The following STYX variants were observed in gnomAD, a reference collection of about 807,000 sequenced individuals.
The protein encoded by STYX is serine/threonine/tyrosine-interacting protein.
A neutral mutation model predicts 42.7 loss-of-function variants in STYX; 20 were observed. The ratio of observed to expected loss-of-function variants is 0.47; its 90% CI spans 0.33 to 0.68. STYX has a LOEUF of 0.68. Ranked by LOEUF, STYX falls within the 30% of genes least tolerant of loss-of-function variation. The probability of loss-of-function intolerance (pLI) is 0.02; values close to 1 mark genes in which losing one functional copy is unlikely to be tolerated. For synonymous variants in STYX, 78 were observed against 81.9 expected (o/e 0.95, Z 0.26); for missense variants, 226 against 268.5 (o/e 0.84, Z 1.11).
At position 52,756,569 on chromosome 14, in the gene STYX, T is replaced by C; in HGVS notation, c.261T>C (p.Ile87=). The C allele has an allele frequency of 6.5e-7, 1 of 1,532,892 alleles. No homozygotes were observed. Among genetic ancestry groups the C allele is most frequent in the Non-Finnish European group, 8.9e-7 (1 of 1,127,402 alleles). 95.0% of individuals were successfully genotyped at this position (1,532,892 alleles called of 1,614,324 possible). A position where few individuals can be genotyped will look rare whatever the true frequency, so the allele number is the denominator to read the frequency against. Residue 87 remains isoleucine (I), a synonymous_variant, in exon 5 of 11, where the codon ATT becomes ATC. Coordinates refer to ENST00000354586, the MANE Select transcript of STYX (RefSeq NM_145251.4). ...QQLFRYLVLD[I]ADNPVENIIR... Reference sequence around the variant, plus strand: ...TTTTCAGATATTTAGTCCTGGATATTGCAGATAATCCAGTTGAAAATATAA... The same window carrying C: ...TTTTCAGATATTTAGTCCTGGATATCGCAGATAATCCAGTTGAAAATATAA...
At chr14:52,751,196 T>G in intron 4 of STYX, among the ~76,000 whole-genome samples, 1 of 152,136 alleles carries the variant, frequency 6.6e-6, no homozygotes, top group Non-Finnish European at 1.5e-5. Context: ...AGATAAATTT[T>G]TTTTTACATT....
At position 52,741,638 on chromosome 14, in the gene STYX, C is replaced by G. The variant is rs1594866916; in HGVS notation, c.58-3214C>G. ...ATTTTTAGTAGAGACAGGGTTTCAC[C>G]ATGTTGCCCAAGCTGGTAAACTTCT... On this transcript the variant is annotated intron_variant, in intron 1 of 10. Coordinates refer to ENST00000354586, the MANE Select transcript of STYX (RefSeq NM_145251.4). Among the ~76,000 whole-genome samples, 4 of 152,188 alleles carry G rather than the reference C, an allele frequency of 2.6e-5. No homozygotes were observed. The South Asian group carries it at 8.3e-4, about 32-fold the overall frequency.
At chr14:52,753,341 G>T (rs1360766743) in intron 4 of STYX, among the ~76,000 whole-genome samples, 2 of 151,210 alleles carry the variant, frequency 1.3e-5, no homozygotes, top group African/African-American at 2.4e-5. Flanking sequence ...GTGAGCCACC[G>T]CACCTGGCCT....
chr14:52,764,666 C>CT (rs58502916), intron 9 of STYX, among the ~76,000 whole-genome samples: 10,821 of 98,936 alleles, frequency 0.11, 1,067 homozygotes, highest in Non-Finnish European at 0.13. Context: ...TTTACTTTTC[C>CT]TTTTTTTTTT....
chr14:52,763,101 C>A (rs1309101825), intron 9 of STYX, among the ~76,000 whole-genome samples: 1 of 151,838 alleles, frequency 6.6e-6, no homozygotes, highest in African/African-American at 2.4e-5. Flanking sequence ...CCACATTGGC[C>A]AGGCTGGTCT....
chr14:52,736,069 T>C (rs1372459622), intron 1 of STYX, among the ~76,000 whole-genome samples: 1 of 152,206 alleles, frequency 6.6e-6, no homozygotes, highest in Non-Finnish European at 1.5e-5. Flanking sequence ...GCCCTAGCCA[T>C]ATTTATCTTC....
intron 1 of STYX, among the ~76,000 whole-genome samples, chr14:52,742,509 TCAAAAGA>T (rs1378298891): frequency 6.6e-6 from 1 of 152,128 alleles, no homozygotes; most frequent in Non-Finnish European, 1.5e-5. Context: ...CTACCCTGTG[TCAAAAGA>T]CAAAATTACA....
chr14:52,753,984 A>G (rs1050526029), intron 4 of STYX, among the ~76,000 whole-genome samples: 2 of 135,446 alleles, frequency 1.5e-5, no homozygotes, highest in African/African-American at 5.4e-5. Flanking sequence ...CTGCCTCCCA[A>G]GTTCAGGCAA....
At chr14:52,765,563 C>T (rs527947635) in intron 9 of STYX, among the ~76,000 whole-genome samples, 1 of 152,156 alleles carries the variant, frequency 6.6e-6, no homozygotes, top group East Asian at 1.9e-4. Flanking sequence ...TTTTAAGATT[C>T]CCCCCTTAGG....
intron 3 of STYX, among the ~76,000 whole-genome samples, chr14:52,749,884 CTG>C (rs911392996): frequency 2.2e-4 from 33 of 152,260 alleles, no homozygotes; most frequent in African/African-American, 6.7e-4. Context: ...TAATGGGTCA[CTG>C]TCAAAATTTT....
intron 9 of STYX, among the ~76,000 whole-genome samples, chr14:52,767,180 G>A (rs1882335290): frequency 6.6e-6 from 1 of 152,200 alleles, no homozygotes; most frequent in Non-Finnish European, 1.5e-5. Context: ...TTGGGGAAAA[G>A]CATTTGAGGT....
At chr14:52,760,168 C>G (rs1280350273) in intron 9 of STYX, among the ~76,000 whole-genome samples, 7 of 152,264 alleles carry the variant, frequency 4.6e-5, no homozygotes, top group African/African-American at 1.7e-4. Context: ...TGCCTTTGCA[C>G]TCCAGCCTGG....
At chr14:52,766,027 C>T (rs1333362142) in intron 9 of STYX, among the ~76,000 whole-genome samples, 2 of 152,028 alleles carry the variant, frequency 1.3e-5, no homozygotes, top group African/African-American at 2.4e-5. Context: ...GAGGGGGTCT[C>T]GCACTGTCAC....
At chr14:52,763,831 T>C (rs1395178910) in intron 9 of STYX, among the ~76,000 whole-genome samples, 2 of 152,236 alleles carry the variant, frequency 1.3e-5, no homozygotes. Context: ...TGATCTGTCT[T>C]GGGCTGAAAT....
At chr14:52,770,989 AATTT>A (rs1437462204) in intron 10 of STYX, 40 bp from the exon 11 acceptor site, 19 of 1,584,720 alleles carry the variant, frequency 1.2e-5, no homozygotes, top group Non-Finnish European at 1.6e-5. Flanking sequence ...TTTTAACATG[AATTT>A]ATTTTAGTGC....
At chr14:52,756,478 A>T in intron 4 of STYX, 73 bp from the exon 5 acceptor site, 1 of 868,562 alleles carries the variant, frequency 1.2e-6, no homozygotes, top group Non-Finnish European at 1.8e-6. Context: ...AACAAGAAAT[A>T]ATGAGTTATT....
intron 9 of STYX, among the ~76,000 whole-genome samples, chr14:52,766,680 C>T (rs1434470140): frequency 1.3e-5 from 2 of 152,186 alleles, no homozygotes; most frequent in African/African-American, 2.4e-5. Flanking sequence ...CTTGCAAATT[C>T]AAGCCTTCCC....
rs112329362 is a variant in STYX, at chr14:52,759,611, T to G, written c.432-71T>G. 6.6e-4 allele frequency: 697 copies of G among 1,051,156 alleles called. 8 individuals carry two copies. The African/African-American group carries it at 1.0e-2, about 15-fold the overall frequency. The allele number at this position is 1,051,156 out of a possible 1,614,324, so 65.1% of individuals were successfully genotyped here. A position where few individuals can be genotyped will look rare whatever the true frequency, so the allele number is the denominator to read the frequency against. On this transcript the variant is annotated intron_variant, in intron 8 of 10. Coordinates refer to ENST00000354586, the MANE Select transcript of STYX (RefSeq NM_145251.4). ...ATTACAACTCATTACCCCTCTCTAT[T>G]GCTAAGTTGTATGATTATGATTAAT...
intron 1 of STYX, among the ~76,000 whole-genome samples, chr14:52,739,887 C>T (rs2139885636): frequency 6.6e-6 from 1 of 152,184 alleles, no homozygotes; most frequent in African/African-American, 2.4e-5. Flanking sequence ...AGCTATCCTC[C>T]TGCCCCAGCC....
Sources: gnomAD v4.1 joint callset for allele counts (sites outside exome capture counted in the v4.1 genomes callset) on GRCh38, gnomAD v4.1.1 for gene constraint, MANE v1.5 for transcripts, NCBI Gene and HGNC (gene_info 2026-07-23, HGNC 2026-07-21) for gene names.